INVS: variants seen among roughly 807,000 people sequenced by gnomAD.
The protein encoded by INVS is inversion of embryo turning homolog.
INVS carries 86 observed loss-of-function variants against 108.8 expected under a neutral mutation model. That is an observed-to-expected ratio of 0.79 (90% confidence interval 0.66 to 0.95). The LOEUF (loss-of-function observed/expected upper bound fraction) is 0.95, where lower values mean the gene tolerates loss of function less well. Ranked by LOEUF, INVS falls within the 40% of genes least tolerant of loss-of-function variation. The pLI is 0.00. For missense variants in INVS, 1,169 were observed against 1,297.4 expected (o/e 0.90, Z 1.52); for synonymous variants, 455 against 473.5 (o/e 0.96, Z 0.51).
intron 3 of INVS, among the ~76,000 whole-genome samples, chr9:100,181,326 A>C (rs925776712): frequency 1.2e-4 from 19 of 152,204 alleles, no homozygotes; most frequent in African/African-American, 4.1e-4. Flanking sequence ...AGGAAGCCAA[A>C]TTGTTTCTGT....
intron 5 of INVS, among the ~76,000 whole-genome samples, chr9:100,230,959 A>G (rs1289199419): frequency 6.6e-6 from 1 of 152,226 alleles, no homozygotes; most frequent in African/African-American, 2.4e-5. Flanking sequence ...TGTTATTTAC[A>G]AACAGTGCTG....
chr9:100,207,778 TCTTA>T (rs1374500420), intron 3 of INVS, among the ~76,000 whole-genome samples: 1 of 152,240 alleles, frequency 6.6e-6, no homozygotes. Context: ...TAACCTTTTT[TCTTA>T]CTTTGTTTTC....
intron 10 of INVS, among the ~76,000 whole-genome samples, chr9:100,259,730 A>G (rs1832551194): frequency 6.6e-6 from 1 of 151,592 alleles, no homozygotes; most frequent in African/African-American, 2.4e-5. Context: ...TTGTATTTTT[A>G]GTAGAGACGG....
chr9:100,206,028 T>A (rs1368574025), intron 3 of INVS, among the ~76,000 whole-genome samples: 1 of 152,142 alleles, frequency 6.6e-6, no homozygotes, highest in Non-Finnish European at 1.5e-5. Flanking sequence ...TATTATAGGA[T>A]ATAAACAGAT....
At chr9:100,158,654 A>G (rs1303086376) in intron 3 of INVS, among the ~76,000 whole-genome samples, 3 of 152,248 alleles carry the variant, frequency 2.0e-5, no homozygotes, top group Admixed American at 6.5e-5. Flanking sequence ...CATGCTCTGG[A>G]CTAAATACTT....
At chr9:100,155,104 G>A (rs1193027965) in intron 3 of INVS, among the ~76,000 whole-genome samples, 4 of 151,682 alleles carry the variant, frequency 2.6e-5, no homozygotes, top group African/African-American at 7.3e-5. Context: ...CTAGCTACTC[G>A]GGAGGCTGAG....
chr9:100,102,870 TC>T (rs1197870001), intron 1 of INVS: 2 of 152,236 alleles, frequency 1.3e-5, no homozygotes, highest in Admixed American at 6.5e-5. Flanking sequence ...AATTTTTTTT[TC>T]AGATGGAGTC....
intron 3 of INVS, among the ~76,000 whole-genome samples, chr9:100,159,094 T>G (rs895366724): frequency 6.6e-6 from 1 of 152,206 alleles, no homozygotes; most frequent in South Asian, 2.1e-4. Flanking sequence ...AACCTGTTTT[T>G]TAAATAAATT....
rs1299007196 is a variant in INVS, at chr9:100,246,609, C to G, written c.907-7C>G. 6 of 1,609,762 alleles carry G rather than the reference C, an allele frequency of 3.7e-6. No individual in the cohort carries two copies. The highest frequency in any genetic ancestry group is 5.1e-6 in the Non-Finnish European group (6 of 1,176,352). On this transcript the variant is annotated splice_region_variant and splice_polypyrimidine_tract_variant and intron_variant, in intron 7 of 16. Transcript: ENST00000262457. ...GTCTCCATTTTTTAAATCAAGTTTT[C>G]TTACAGGAAACGGTTAAAGTGTTTT...
intron 8 of INVS, among the ~76,000 whole-genome samples, chr9:100,247,172 T>A (rs1588119147): frequency 1.3e-5 from 2 of 152,274 alleles, no homozygotes; most frequent in East Asian, 3.9e-4. Context: ...ATTTAAGGAA[T>A]GCACACATCT....
At chr9:100,148,448 A>G (rs1270703265) in intron 3 of INVS, among the ~76,000 whole-genome samples, 1 of 152,220 alleles carries the variant, frequency 6.6e-6, no homozygotes, top group African/African-American at 2.4e-5. Flanking sequence ...TGTTTGAGCA[A>G]GACTGGGAAA....
At chr9:100,233,491 A>G (rs1461549911) in intron 5 of INVS, among the ~76,000 whole-genome samples, 1 of 152,206 alleles carries the variant, frequency 6.6e-6, no homozygotes, top group Non-Finnish European at 1.5e-5. Context: ...ATTCATTATG[A>G]TATTGGCTGT....
chr9:100,236,966 C>A (rs114684553), intron 5 of INVS, among the ~76,000 whole-genome samples: 86 of 152,354 alleles, frequency 5.6e-4, no homozygotes, highest in African/African-American at 1.9e-3. Context: ...CACAGCCACT[C>A]CTTCCCCAGG....
At chr9:100,124,060 C>G (rs765468651) in intron 2 of INVS, among the ~76,000 whole-genome samples, 3 of 152,184 alleles carry the variant, frequency 2.0e-5, no homozygotes, top group Non-Finnish European at 2.9e-5. Context: ...CCGCCCACCT[C>G]AGCCTCCCAA....
chr9:100,298,643 C>T (rs1833862051), intron 16 of INVS, among the ~76,000 whole-genome samples: 1 of 152,204 alleles, frequency 6.6e-6, no homozygotes, highest in Non-Finnish European at 1.5e-5. Flanking sequence ...ACACAGTCAT[C>T]CTGGAGGAAC....
At chr9:100,148,203 G>C (rs1044446911) in intron 3 of INVS, among the ~76,000 whole-genome samples, 1 of 151,582 alleles carries the variant, frequency 6.6e-6, no homozygotes, top group Admixed American at 6.6e-5. Flanking sequence ...AAACCAAAAA[G>C]GTTAAGAATA....
chr9:100,224,413 C>T (rs1439732683), intron 3 of INVS, among the ~76,000 whole-genome samples: 1 of 152,122 alleles, frequency 6.6e-6, no homozygotes, highest in Admixed American at 6.5e-5. Context: ...TGTTTGGTCA[C>T]ACTGACCTTG....
intron 2 of INVS, among the ~76,000 whole-genome samples, chr9:100,110,117 T>C (rs528199943): frequency 1.3e-5 from 2 of 152,374 alleles, no homozygotes; most frequent in African/African-American, 4.8e-5. Flanking sequence ...TTAAAATGCT[T>C]GCCTACATGC....
chr9:100,284,466 C>T lies in INVS; in HGVS notation c.1931C>T (p.Pro644Leu). ...CAGAGCCGGGCCCCCAGCAAGCAGC[C>T]TCCTGCTGGCAACGTGGCCCAAGGC... ...SRQSRAPSKQ[P>L]PAGNVAQGPE... Residue 644 changes from proline (P) to leucine (L), a missense_variant, in exon 13 of 17, where the codon CCT (proline) becomes CTT (leucine). This residue lies in a region of INVS where 533 missense variants were observed against 536.0 expected (regional missense o/e 0.99). Coordinates refer to ENST00000262457, the MANE Select transcript of INVS (RefSeq NM_014425.5). 1 of 1,614,160 alleles carries T rather than the reference C, an allele frequency of 6.2e-7. No individual in the cohort carries two copies. The highest frequency in any genetic ancestry group is 8.5e-7 in the Non-Finnish European group (1 of 1,180,028).
Sources: gnomAD v4.1 joint callset for allele counts (sites outside exome capture counted in the v4.1 genomes callset) on GRCh38, gnomAD v4.1.1 for gene constraint, gnomAD v4.1.1 regional missense constraint, MANE v1.5 for transcripts, NCBI Gene and HGNC (gene_info 2026-07-23, HGNC 2026-07-21) for gene names.